The following INTS12 variants were observed in gnomAD, a reference collection of about 807,000 sequenced individuals.
INTS12 encodes the protein integrator complex subunit 12, also known as PHD finger protein 22.
INTS12 carries 13 observed loss-of-function variants against 41.6 expected under a neutral mutation model. That is an observed-to-expected ratio of 0.31 (90% CI 0.20 to 0.50). The LOEUF (loss-of-function observed/expected upper bound fraction) is 0.50, where lower values mean the gene tolerates loss of function less well. Ranked by LOEUF, INTS12 falls within the 20% of genes least tolerant of loss-of-function variation. The probability of loss-of-function intolerance (pLI) is 0.98; values close to 1 mark genes in which losing one functional copy is unlikely to be tolerated. For missense variants in INTS12, 432 were observed against 541.6 expected, an observed-to-expected ratio of 0.80 and a Z score of 2.01; for synonymous variants, 199 against 191.4, an observed-to-expected ratio of 1.04 and a Z score of -0.33.
intron 2 of INTS12, chr4:105,702,892 T>TC: frequency 1.0e-6 from 1 of 983,996 alleles, no homozygotes. Flanking sequence ...TTACCTTTAC[T>TC]CCCCCTTTTC....
At position 105,692,090 on chromosome 4, in the gene INTS12, C is replaced by T. The variant is rs1284624495; in HGVS notation, c.543G>A (p.Glu181=). The T allele has an allele frequency of 1.2e-6, 2 of 1,604,558 alleles. No homozygotes were observed. Among genetic ancestry groups the T allele is most frequent in the Non-Finnish European group, 1.7e-6 (2 of 1,176,082 alleles). ...AATCTCGGTGGTAGAGATTATGGCA[C>T]TCCTGACATTCTACTAATTGATTGC... ...ASGNQLVECQ[E]CHNLYHRDCH... The change falls in exon 6 of 8, where the codon GAG becomes GAA. Residue 181 remains glutamate (E), a synonymous_variant. Transcript: ENST00000340139.
intron 6 of INTS12, among the ~76,000 whole-genome samples, chr4:105,688,159 ACT>A (rs1297815123): frequency 6.6e-6 from 1 of 152,236 alleles, no homozygotes; most frequent in African/African-American, 2.4e-5. Context: ...ACAAAAAGTT[ACT>A]GTTTATTCAT....
intron 3 of INTS12, among the ~76,000 whole-genome samples, chr4:105,698,529 T>C (rs564036364): frequency 2.0e-5 from 3 of 151,304 alleles, no homozygotes; most frequent in African/African-American, 7.4e-5. Flanking sequence ...GAGATAAACT[T>C]CCATTTTAGA....
chr4:105,697,814 C>G (rs1034868856), intron 3 of INTS12, among the ~76,000 whole-genome samples: 1 of 152,096 alleles, frequency 6.6e-6, no homozygotes, highest in Non-Finnish European at 1.5e-5. Context: ...CTTTGGGAAG[C>G]CAAGGTGGGC....
At chr4:105,696,302 C>T (rs541991502) in intron 3 of INTS12, among the ~76,000 whole-genome samples, 91 of 152,264 alleles carry the variant, frequency 6.0e-4, no homozygotes, top group African/African-American at 2.1e-3. Context: ...CAGGTATACA[C>T]CCTATAGAAA....
At chr4:105,698,697 G>A (rs1243359911) in intron 3 of INTS12, among the ~76,000 whole-genome samples, 1 of 152,188 alleles carries the variant, frequency 6.6e-6, no homozygotes, top group Non-Finnish European at 1.5e-5. Context: ...AGAATGGATA[G>A]AAGAAATGAA....
chr4:105,700,149 A>G, intron 2 of INTS12, 135 bp from the exon 3 acceptor site: 1 of 505,776 alleles, frequency 2.0e-6, no homozygotes, highest in East Asian at 3.6e-5. Context: ...CCAAAAAGTT[A>G]TTACAAATAA....
rs376517193 is a variant in INTS12 at position 105,693,445 on chromosome 4, T to C, written c.351A>G (p.Lys117=). 9.9e-6 allele frequency: 16 copies of C among 1,613,474 alleles called. No individual in the cohort carries two copies. The highest frequency in any genetic ancestry group is 1.3e-5 in the African/African-American group (1 of 74,914). Residue 117 remains lysine (K), a synonymous_variant, in exon 5 of 8, where the codon AAA becomes AAG. Transcript: ENST00000340139. ...DITEGVDIPK[K]PRLEKPETQS... ...GTGTTTCTGGTTTCTCCAATCTAGG[T>C]TTCTTTGGAATATCAACTCCTTCAG...
chr4:105,699,601 G>A (rs532902365), intron 3 of INTS12, among the ~76,000 whole-genome samples: 3 of 152,086 alleles, frequency 2.0e-5, no homozygotes, highest in East Asian at 3.9e-4. Flanking sequence ...AAAGTAAGTC[G>A]TAAACAAGTG....
chr4:105,691,909 T>A (rs1042666065), intron 6 of INTS12, 67 bp downstream of exon 6: 5 of 1,186,444 alleles, frequency 4.2e-6, no homozygotes, highest in Middle Eastern at 2.0e-4. Context: ...CAAATCTTTG[T>A]TTTGAAAGCA....
Position 105,682,986 on chromosome 4 carries a change from C to A in INTS12, c.1136G>T (p.Cys379Phe). The A allele has an allele frequency of 1.2e-6, 2 of 1,614,112 alleles. No homozygotes were observed. Among genetic ancestry groups the A allele is most frequent in the Non-Finnish European group, 8.5e-7 (1 of 1,179,970 alleles). The change falls in exon 8 of 8, where the codon TGT (cysteine) becomes TTT (phenylalanine). Residue 379 changes from cysteine (C) to phenylalanine (F), a missense_variant. This residue lies in a region of INTS12 where 258 missense variants were observed against 309.9 expected (regional missense o/e 0.83). Transcript: ENST00000340139. ...GKTGLSRSVS[C>F]DNVSKVGLPS... The stretch of plus-strand genomic sequence containing the variant: ...AAGACCTACTTTGCTGACATTGTCA[C>A]AACTAACTGAGCGACTAAGGCCAGT...
At chr4:105,686,354 G>A (rs2149177516) in intron 7 of INTS12, among the ~76,000 whole-genome samples, 1 of 152,272 alleles carries the variant, frequency 6.6e-6, no homozygotes, top group East Asian at 1.9e-4. Flanking sequence ...CTCCCAAAGT[G>A]CTGGGACTAT....
At chr4:105,691,068 C>T (rs1479570832) in intron 6 of INTS12, among the ~76,000 whole-genome samples, 1 of 152,124 alleles carries the variant, frequency 6.6e-6, no homozygotes, top group Non-Finnish European at 1.5e-5. Flanking sequence ...AAAACACTTC[C>T]TATTTCTGAT....
intron 3 of INTS12, among the ~76,000 whole-genome samples, chr4:105,698,168 G>A (rs183148807): frequency 5.9e-5 from 9 of 152,286 alleles, no homozygotes; most frequent in East Asian, 1.9e-4. Flanking sequence ...AGTTGTTGAC[G>A]GATGAGTTAA....
intron 6 of INTS12, among the ~76,000 whole-genome samples, chr4:105,690,746 A>G (rs1211959773): frequency 1.3e-5 from 2 of 152,204 alleles, no homozygotes; most frequent in Non-Finnish European, 2.9e-5. Flanking sequence ...ATATTAAAGG[A>G]GCTAAAGTGA....
At chr4:105,707,980 GA>G in intron 1 of INTS12, 3 of 985,384 alleles carry the variant, frequency 3.0e-6, no homozygotes, top group Non-Finnish European at 3.6e-6. Context: ...GAAGGAAACA[GA>G]AACTGTTCAC....
intron 1 of INTS12, among the ~76,000 whole-genome samples, chr4:105,706,990 G>A (rs939162893): frequency 1.3e-5 from 2 of 152,032 alleles, no homozygotes; most frequent in Non-Finnish European, 2.9e-5. Context: ...GAGAAGTTAG[G>A]GCTTTCTACC....
chr4:105,691,120 T>G (rs944481903), intron 6 of INTS12, among the ~76,000 whole-genome samples: 1 of 152,236 alleles, frequency 6.6e-6, no homozygotes, highest in Non-Finnish European at 1.5e-5. Context: ...GAGTTTTTAC[T>G]TTTAACTAAG....
chr4:105,690,368 G>C (rs1731644046), intron 6 of INTS12, among the ~76,000 whole-genome samples: 1 of 152,156 alleles, frequency 6.6e-6, no homozygotes, highest in South Asian at 2.1e-4. Flanking sequence ...TTGATAGGAG[G>C]CAAGGAGATT....
Sources: gnomAD v4.1 joint callset for allele counts (sites outside exome capture counted in the v4.1 genomes callset) on GRCh38, gnomAD v4.1.1 for gene constraint, gnomAD v4.1.1 regional missense constraint, MANE v1.5 for transcripts, NCBI Gene and HGNC (gene_info 2026-07-23, HGNC 2026-07-21) for gene names.